Variants in SHISA9 observed in about 807,000 individuals in gnomAD.
The protein encoded by SHISA9 is protein shisa-9.
In SHISA9, 13 loss-of-function variants were observed where a neutral mutation model predicts 38.0. The ratio of observed to expected loss-of-function variants is 0.34; its 90% CI spans 0.22 to 0.54. The LOEUF (loss-of-function observed/expected upper bound fraction) is 0.54, where lower values mean the gene tolerates loss of function less well. Among genes scored for constraint, SHISA9 ranks in the 20% least tolerant of loss-of-function variants. The pLI is 0.91. For synonymous variants in SHISA9, 275 were observed against 242.0 expected (o/e 1.14, Z -1.27); for missense variants, 538 against 575.8 (o/e 0.93, Z 0.67).
chr16:13,136,179 C>G (rs2050346330), intron 2 of SHISA9, among the ~76,000 whole-genome samples: 1 of 152,092 alleles, frequency 6.6e-6, no homozygotes, highest in Admixed American at 6.6e-5. Flanking sequence ...GGTTTGAATT[C>G]TAGCTCTTCA....
rs202043155 is a variant in SHISA9 at position 13,235,190 on chromosome 16, C to G, written c.1056C>G (p.Thr352=). 104 of 1,551,656 alleles carry G rather than the reference C, an allele frequency of 6.7e-5. No individual in the cohort carries two copies. Among genetic ancestry groups the G allele is most frequent in the Non-Finnish European group, 8.5e-5 (98 of 1,147,012 alleles). Reference sequence around the variant, plus strand: ...AGCAGAATGGACAGAAGTCCCGCACCAACAAGATGCCCCCACATCCCCTGG... The same window carrying G: ...AGCAGAATGGACAGAAGTCCCGCACGAACAAGATGCCCCCACATCCCCTGG... ...PAKQNGQKSR[T]NKMPPHPLAY... Residue 352 remains threonine (T), a synonymous_variant, in exon 5 of 5, where the codon ACC becomes ACG. Transcript: ENST00000558583.
chr16:12,914,707 C>T (rs557390510), intron 1 of SHISA9, among the ~76,000 whole-genome samples: 3 of 152,324 alleles, frequency 2.0e-5, no homozygotes, highest in East Asian at 3.9e-4. Context: ...CTTACCCTAT[C>T]ATTCCATTGC....
chr16:13,434,419 G>GTTTTT, the SHISA9 span, among the ~76,000 whole-genome samples: 11 of 64,554 alleles, frequency 1.7e-4, 2 homozygotes, highest in East Asian at 4.9e-4. Context: ...GACAAGCTAT[G>GTTTTT]TTTTTTTTTT....
the SHISA9 span, among the ~76,000 whole-genome samples, chr16:13,399,099 C>T: frequency 8.0e-4 from 122 of 151,976 alleles, no homozygotes; most frequent in African/African-American, 2.8e-3. Context: ...ACCAAAAATA[C>T]AAAAAATTAG....
At chr16:13,313,693 G>A in the SHISA9 span, among the ~76,000 whole-genome samples, 3 of 152,186 alleles carry the variant, frequency 2.0e-5, no homozygotes, top group African/African-American at 7.2e-5. Context: ...GGAAAGGCTT[G>A]TAACAAATTG....
At chr16:13,141,779 A>G (rs978772150) in intron 2 of SHISA9, among the ~76,000 whole-genome samples, 8 of 152,188 alleles carry the variant, frequency 5.3e-5, no homozygotes, top group Non-Finnish European at 1.2e-4. Flanking sequence ...CTCGTTTGTC[A>G]TTTAAGTCTT....
intron 1 of SHISA9, among the ~76,000 whole-genome samples, chr16:12,904,791 TA>T (rs1228048632): frequency 6.6e-6 from 1 of 152,106 alleles, no homozygotes; most frequent in East Asian, 1.9e-4. Flanking sequence ...GAATGTTTTA[TA>T]AAAAAAATCC....
chr16:13,098,350 C>T (rs2073847014), intron 2 of SHISA9, among the ~76,000 whole-genome samples: 1 of 152,196 alleles, frequency 6.6e-6, no homozygotes, highest in African/African-American at 2.4e-5. Flanking sequence ...AATGCCAGCT[C>T]TTACAGTTAA....
intron 2 of SHISA9, among the ~76,000 whole-genome samples, chr16:12,994,568 G>A (rs1387268997): frequency 6.6e-6 from 1 of 152,202 alleles, no homozygotes; most frequent in Non-Finnish European, 1.5e-5. Flanking sequence ...TCTTCAGCCT[G>A]CCTTCTGGAA....
chr16:13,054,787 T>C (rs983474140), intron 2 of SHISA9, among the ~76,000 whole-genome samples: 25 of 152,214 alleles, frequency 1.6e-4, no homozygotes. Context: ...TCATGAGTGA[T>C]GTTCAACTTG....
chr16:13,015,995 T>G, intron 2 of SHISA9, among the ~76,000 whole-genome samples: 1 of 6,642 alleles, frequency 1.5e-4, no homozygotes, highest in Non-Finnish European at 2.9e-4. Flanking sequence ...CCTTCTTTTC[T>G]TTTCTTCCTT....
At chr16:13,404,602 G>A in the SHISA9 span, among the ~76,000 whole-genome samples, 1 of 152,132 alleles carries the variant, frequency 6.6e-6, no homozygotes. Flanking sequence ...GTTATGAGAT[G>A]AAGCTGCAGA....
At chr16:12,979,740 C>G (rs1243187168) in intron 2 of SHISA9, among the ~76,000 whole-genome samples, 1 of 151,950 alleles carries the variant, frequency 6.6e-6, no homozygotes, top group African/African-American at 2.4e-5. Flanking sequence ...TTTGTTTTGA[C>G]TGCTGTTTAT....
chr16:13,002,068 C>G (rs753931264), intron 2 of SHISA9, among the ~76,000 whole-genome samples: 32 of 152,192 alleles, frequency 2.1e-4, no homozygotes, highest in Non-Finnish European at 4.4e-4. Flanking sequence ...GGCCTGGCAT[C>G]AGTGTTTCAT....
the SHISA9 span, among the ~76,000 whole-genome samples, chr16:13,513,904 TTGA>T: frequency 6.6e-6 from 1 of 152,182 alleles, no homozygotes; most frequent in African/African-American, 2.4e-5. Context: ...AGAAGGTGGG[TTGA>T]TAAGTGCAGC....
intron 4 of SHISA9, among the ~76,000 whole-genome samples, chr16:13,216,002 C>T (rs386013): frequency 0.43 from 65,717 of 151,726 alleles, 14,990 homozygotes; most frequent in East Asian, 0.75. Flanking sequence ...GCCTGACCAA[C>T]ATGGTGAAAC....
chr16:13,119,165 C>T (rs2074061382), intron 2 of SHISA9, among the ~76,000 whole-genome samples: 1 of 152,114 alleles, frequency 6.6e-6, no homozygotes, highest in African/African-American at 2.4e-5. Flanking sequence ...CCGCGCCTGG[C>T]CCACTTTTGC....
At chr16:12,942,907 T>C (rs1233188621) in intron 2 of SHISA9, among the ~76,000 whole-genome samples, 1 of 152,160 alleles carries the variant, frequency 6.6e-6, no homozygotes. Flanking sequence ...TCTCAACAGA[T>C]GTTCTCGGGG....
At chr16:13,364,411 T>G in the SHISA9 span, among the ~76,000 whole-genome samples, 1 of 152,248 alleles carries the variant, frequency 6.6e-6, no homozygotes, top group Non-Finnish European at 1.5e-5. Flanking sequence ...CAACAAGAGA[T>G]ATTTTTGCAT....
Sources: allele counts gnomAD v4.1 joint callset (sites outside exome capture counted in the v4.1 genomes callset), GRCh38; gene constraint gnomAD v4.1.1; transcripts MANE v1.5; gene names NCBI Gene and HGNC (gene_info 2026-07-23, HGNC 2026-07-21).